The following CFHR3 variants were observed in gnomAD, a reference collection of about 807,000 sequenced individuals.
CFHR3 encodes complement factor H-related protein 3.
Under a neutral mutation model 36.0 loss-of-function variants are expected in CFHR3, and 22 were observed. The observed-to-expected ratio is 0.61, with a 90% CI of 0.44 to 0.87. The LOEUF (loss-of-function observed/expected upper bound fraction) is 0.87. Among genes scored for constraint, CFHR3 ranks in the 40% least tolerant of loss-of-function variants. The pLI is 0.00. For missense variants in CFHR3, 276 were observed against 401.3 expected (o/e 0.69, Z 2.67); for synonymous variants, 97 against 137.4 (o/e 0.71, Z 2.06).
rs2124867914 is a variant in CFHR3 at position 196,794,296 on chromosome 1, C to G, written c.*783C>G. ...TGTTCAACACGGTGAAACCCTGTCT[C>G]TACTAAAAATAGAAAAACTAGCTCG... On this transcript the variant is annotated 3_prime_UTR_variant, in exon 6 of 6. Coordinates refer to ENST00000367425, the MANE Select transcript of CFHR3 (RefSeq NM_021023.6). Among the ~76,000 whole-genome samples, 2 of 136,204 alleles carry G rather than the reference C, an allele frequency of 1.5e-5. 1 individual carries two copies. The highest frequency in any genetic ancestry group is 6.2e-5 in the African/African-American group (2 of 32,500). The allele number at this position is 136,204 out of a possible 152,430, so 89.4% of individuals were successfully genotyped here.
Position 196,775,923 on chromosome 1 carries a change from G to T in CFHR3, c.58+979G>T, listed in dbSNP as rs1489458761. Among the ~76,000 whole-genome samples the T allele has an allele frequency of 4.4e-5, 6 of 135,532 alleles. 1 individual carries two copies. The highest frequency in any genetic ancestry group is 2.0e-4 in the East Asian group (1 of 5,092). The allele number at this position is 135,532 out of a possible 152,430, so 88.9% of individuals were successfully genotyped here. A position where few individuals can be genotyped will look rare whatever the true frequency, so the allele number is the denominator to read the frequency against. On this transcript the variant is annotated intron_variant, in intron 1 of 5. Transcript: ENST00000367425. ...CTATGCCACTTTATTTGATTCTAGG[G>T]AAAGAGCTTTAAGTTTTATAGTATT...
chr1:196,785,134 C>T lies in CFHR3; in HGVS notation c.431-3082C>T, dbSNP rs374090737. On this transcript the variant is annotated intron_variant, in intron 3 of 5. Transcript: ENST00000367425. ...TTTAAGAATGTTGAATATTGGCCCCCACTCTCTTCTGGCTTGTAGAGTTTC... is the reference window on the plus strand; with the variant it reads ...TTTAAGAATGTTGAATATTGGCCCCTACTCTCTTCTGGCTTGTAGAGTTTC... 5.3e-4 allele frequency among the ~76,000 whole-genome samples: 73 copies of T among 136,928 alleles called. 12 individuals carry two copies. Among genetic ancestry groups the T allele is most frequent in the South Asian group, 1.8e-3 (7 of 3,904 alleles). The allele number at this position is 136,928 out of a possible 152,430, so 89.8% of individuals were successfully genotyped here.
At position 196,785,944 on chromosome 1, in the gene CFHR3, T is replaced by C. The variant is rs534914577; in HGVS notation, c.431-2272T>C. 5.2e-3 allele frequency among the ~76,000 whole-genome samples: 702 copies of C among 135,496 alleles called. 175 individuals are homozygous for C. The highest frequency in any genetic ancestry group is 0.021 in the African/African-American group (679 of 31,994). 88.9% of individuals were successfully genotyped at this position (135,496 alleles called of 152,430 possible). A position where few individuals can be genotyped will look rare whatever the true frequency, so the allele number is the denominator to read the frequency against. On this transcript the variant is annotated intron_variant, in intron 3 of 5. Coordinates refer to ENST00000367425, the MANE Select transcript of CFHR3 (RefSeq NM_021023.6). Reference sequence around the variant, plus strand: ...CCATCTTTGTGGTTTTATCTACTTTTGGTCTTTGATGATGGTGATGTACAG... The same window carrying C: ...CCATCTTTGTGGTTTTATCTACTTTCGGTCTTTGATGATGGTGATGTACAG...
intron 4 of CFHR3, chr1:196,789,414 G>A (rs1309454236): frequency 1.1e-6 from 1 of 890,804 alleles, no homozygotes; most frequent in South Asian, 5.4e-5. Flanking sequence ...CTTATCAAGG[G>A]CTCTGTGTAA....
At chr1:196,780,885 T>G (rs1653920591) in intron 3 of CFHR3, among the ~76,000 whole-genome samples, 1 of 132,082 alleles carries the variant, frequency 7.6e-6, no homozygotes. Flanking sequence ...TGTGCCATGC[T>G]GGTGTGCTGC....
chr1:196,791,856 T>A (rs1654438632), intron 5 of CFHR3, among the ~76,000 whole-genome samples: 2 of 136,142 alleles, frequency 1.5e-5, no homozygotes, highest in South Asian at 5.1e-4. Context: ...CTAAGATGGG[T>A]TTCACAGCAA....
At chr1:196,779,462 A>T in intron 2 of CFHR3, 106 bp downstream of exon 2, 1 of 973,376 alleles carries the variant, frequency 1.0e-6, no homozygotes, top group Non-Finnish European at 1.6e-6. Flanking sequence ...AATAGGGCCA[A>T]GAAATGAGTT....
At position 196,794,554 on chromosome 1, in the gene CFHR3, C is replaced by G. The variant is rs1469473629; in HGVS notation, c.*1041C>G. ...AGGCTACATTTGTATTTTCTTAATACAAATATTTTGAAAGTTTCTTCATAT... is the reference window on the plus strand; with the variant it reads ...AGGCTACATTTGTATTTTCTTAATAGAAATATTTTGAAAGTTTCTTCATAT... On this transcript the variant is annotated 3_prime_UTR_variant, in exon 6 of 6. Transcript: ENST00000367425. The G allele has an allele frequency of 2.7e-6, 1 of 376,846 alleles. No homozygotes were observed. Among genetic ancestry groups the G allele is most frequent in the Non-Finnish European group, 5.1e-6 (1 of 196,456 alleles). 23.3% of individuals were successfully genotyped at this position (376,846 alleles called of 1,614,324 possible).
chr1:196,779,720 C>A (rs1653867452), intron 2 of CFHR3, 77 bp from the exon 3 acceptor site: 1 of 1,405,580 alleles, frequency 7.1e-7, no homozygotes, highest in South Asian at 1.5e-5. Flanking sequence ...AATATGGTAA[C>A]AATAATTTTA....
rs620015 is a variant in CFHR3 at position 196,779,546 on chromosome 1, A to G, written c.253+190A>G. Among the ~76,000 whole-genome samples, 38,113 of 135,410 alleles carry G rather than the reference A, an allele frequency of 0.28. 10,821 individuals are homozygous for G. The highest frequency in any genetic ancestry group is 0.5 in the East Asian group (2,557 of 5,070). 88.8% of individuals were successfully genotyped at this position (135,410 alleles called of 152,430 possible). On this transcript the variant is annotated intron_variant, in intron 2 of 5. Coordinates refer to ENST00000367425, the MANE Select transcript of CFHR3 (RefSeq NM_021023.6). ...TGAAAATCATATGAAAAATAAATAT[A>G]GAGACTTTATGAGAATATCTATATA...
At chr1:196,785,365 G>C (rs1299429105) in intron 3 of CFHR3, among the ~76,000 whole-genome samples, 3 of 133,924 alleles carry the variant, frequency 2.2e-5, no homozygotes, top group African/African-American at 3.2e-5. Context: ...TGCTAGATTG[G>C]GGAAGTTCTC....
At chr1:196,775,836 A>C (rs1256412100) in intron 1 of CFHR3, among the ~76,000 whole-genome samples, 1 of 137,084 alleles carries the variant, frequency 7.3e-6, no homozygotes, top group Non-Finnish European at 1.6e-5. Flanking sequence ...ATGGAGGGTA[A>C]TACTGGAAAT....
At chr1:196,789,930 G>C in intron 4 of CFHR3, 115 bp from the exon 5 acceptor site, 2 of 1,247,348 alleles carry the variant, frequency 1.6e-6, no homozygotes, top group Middle Eastern at 3.2e-4. Flanking sequence ...TGAAAATGCA[G>C]ATGTCTTCCT....
At position 196,782,124 on chromosome 1, in the gene CFHR3, G is replaced by A. The variant is rs1334270620; in HGVS notation, c.430+2151G>A. Among the ~76,000 whole-genome samples the A allele has an allele frequency of 1.1e-4, 15 of 136,414 alleles. 1 individual carries two copies. Among genetic ancestry groups the A allele is most frequent in the South Asian group, 2.5e-4 (1 of 3,936 alleles). 89.5% of individuals were successfully genotyped at this position (136,414 alleles called of 152,430 possible). A position where few individuals can be genotyped will look rare whatever the true frequency, so the allele number is the denominator to read the frequency against. On this transcript the variant is annotated intron_variant, in intron 3 of 5. Coordinates refer to ENST00000367425, the MANE Select transcript of CFHR3 (RefSeq NM_021023.6). The stretch of plus-strand genomic sequence containing the variant: ...GATCAGATAGTTGTAGATATGCAGC[G>A]TTATTTCTGAGGGCTCTGTTCTGTT...
intron 3 of CFHR3, among the ~76,000 whole-genome samples, chr1:196,781,104 A>T (rs1314404641): frequency 7.5e-6 from 1 of 133,650 alleles, no homozygotes; most frequent in Non-Finnish European, 1.6e-5. Context: ...TTCCAGTTTC[A>T]TCCATGTCCC....
At chr1:196,785,727 A>C (rs1210359351) in intron 3 of CFHR3, among the ~76,000 whole-genome samples, 5 of 136,486 alleles carry the variant, frequency 3.7e-5, no homozygotes, top group African/African-American at 1.5e-4. Context: ...CAAATTTTTA[A>C]CTTCTTTGCC....
intron 4 of CFHR3, chr1:196,789,605 C>T: frequency 7.5e-7 from 1 of 1,337,112 alleles, no homozygotes; most frequent in Non-Finnish European, 9.9e-7. Flanking sequence ...TAAATGGTTA[C>T]ATTAACTTTT....
chr1:196,792,379 T>C (rs1654453612), intron 5 of CFHR3, among the ~76,000 whole-genome samples: 1 of 110,692 alleles, frequency 9.0e-6, no homozygotes, highest in Non-Finnish European at 1.7e-5. Flanking sequence ...TCATCAAAAG[T>C]GAAAAGCTTG....
At chr1:196,777,759 C>T (rs1433348303) in intron 1 of CFHR3, among the ~76,000 whole-genome samples, 1 of 134,494 alleles carries the variant, frequency 7.4e-6, no homozygotes. Context: ...GGCCAAGGCG[C>T]GCGGATCACT....
Sources: gnomAD v4.1 joint callset for allele counts (sites outside exome capture counted in the v4.1 genomes callset) on GRCh38, gnomAD v4.1.1 for gene constraint, MANE v1.5 for transcripts, NCBI Gene and HGNC (gene_info 2026-07-23, HGNC 2026-07-21) for gene names.